The following CAMK2D variants were observed in gnomAD, a reference collection of about 807,000 sequenced individuals.
CAMK2D encodes the protein calcium/calmodulin dependent protein kinase II delta.
A neutral mutation model predicts 84.0 loss-of-function variants in CAMK2D; 37 were observed. The observed-to-expected ratio is 0.44, with a 90% CI of 0.34 to 0.58. The LOEUF is 0.58. Among genes scored for constraint, CAMK2D ranks in the 20% least tolerant of loss-of-function variants. The pLI is 0.02. For synonymous variants in CAMK2D, 202 were observed against 212.5 expected, an observed-to-expected ratio of 0.95 and a Z score of 0.43; for missense variants, 448 against 652.5, an observed-to-expected ratio of 0.69 and a Z score of 3.41.
chr4:113,704,763 T>C (rs886970009), intron 2 of CAMK2D, among the ~76,000 whole-genome samples: 3 of 151,900 alleles, frequency 2.0e-5, no homozygotes, highest in Non-Finnish European at 4.4e-5. Flanking sequence ...ACCTTTTCAC[T>C]AAAAACTAGA....
At chr4:113,572,061 A>G (rs984610091) in intron 4 of CAMK2D, among the ~76,000 whole-genome samples, 3 of 146,296 alleles carry the variant, frequency 2.1e-5, no homozygotes, top group African/African-American at 7.7e-5. Flanking sequence ...TGCAACATGA[A>G]AACAGTTTTC....
intron 16 of CAMK2D, among the ~76,000 whole-genome samples, chr4:113,489,741 A>G (rs1273397988): frequency 2.8e-5 from 4 of 144,356 alleles, no homozygotes; most frequent in Non-Finnish European, 6.0e-5. Flanking sequence ...TGGTTGAACT[A>G]GTTTACAGTC....
intron 4 of CAMK2D, among the ~76,000 whole-genome samples, chr4:113,561,635 T>A (rs2098699214): frequency 6.6e-6 from 1 of 152,232 alleles, no homozygotes; most frequent in Non-Finnish European, 1.5e-5. Context: ...TAAGTCAATC[T>A]AGACATTTTT....
intron 2 of CAMK2D, among the ~76,000 whole-genome samples, chr4:113,735,315 A>G (rs1319313041): frequency 3.1e-5 from 4 of 129,374 alleles, no homozygotes; most frequent in African/African-American, 1.1e-4. Context: ...AAAAAAAAAA[A>G]AAAAAAAAAA....
At position 113,581,018 on chromosome 4, in the gene CAMK2D, C is replaced by T. The variant is rs184107905; in HGVS notation, c.275+28134G>A. On this transcript the variant is annotated intron_variant, in intron 4 of 20. Coordinates refer to ENST00000511664, the MANE Select transcript of CAMK2D (RefSeq NM_001321571.2). ...AGGTGCAGCAAACCACTATGGTACA[C>T]GTCCACCTATGTAACAAACTTGCAC... Among the ~76,000 whole-genome samples, 27 of 152,118 alleles carry T rather than the reference C, an allele frequency of 1.8e-4. No homozygotes were observed. The South Asian group carries it at 2.3e-3, about 13-fold the overall frequency.
chr4:113,753,992 T>G, intron 2 of CAMK2D: 1 of 969,880 alleles, frequency 1.0e-6, no homozygotes, highest in Non-Finnish European at 1.2e-6. Context: ...GTAGATAGCC[T>G]TTATTTTTCC....
chr4:113,649,661 T>C (rs1199053415), intron 3 of CAMK2D, among the ~76,000 whole-genome samples: 1 of 152,250 alleles, frequency 6.6e-6, no homozygotes, highest in Non-Finnish European at 1.5e-5. Context: ...TACATAATTA[T>C]TTGTCCTTTA....
intron 4 of CAMK2D, among the ~76,000 whole-genome samples, chr4:113,560,695 C>A (rs1302964780): frequency 6.6e-6 from 1 of 152,164 alleles, no homozygotes; most frequent in African/African-American, 2.4e-5. Context: ...AACATCCACA[C>A]TGGAACATTA....
At position 113,515,097 on chromosome 4, in the gene CAMK2D, G is replaced by A; in HGVS notation, c.791C>T (p.Ser264Leu). Reference sequence around the variant, plus strand: ...GATCCATGGGTGCTTCAGTGCCTCTGAGGCTGTGATGCGTTTGGCAGGGTT... The same window carrying A: ...GATCCATGGGTGCTTCAGTGCCTCTAAGGCTGTGATGCGTTTGGCAGGGTT... ...TINPAKRITA[S>L]EALKHPWICQ... The change falls in exon 10 of 21, where the codon TCA becomes TTA. Residue 264 changes from serine to leucine, a missense_variant. Physicochemically the swap from Ser to Leu is moderately radical, Grantham distance 145. Transcript: ENST00000511664. 6.2e-7 allele frequency: 1 copy of A among 1,613,708 alleles called. No homozygotes were observed. The highest frequency in any genetic ancestry group is 8.5e-7 in the Non-Finnish European group (1 of 1,179,700).
At chr4:113,658,573 ATT>A (rs980698780) in intron 3 of CAMK2D, among the ~76,000 whole-genome samples, 3 of 151,954 alleles carry the variant, frequency 2.0e-5, no homozygotes, top group African/African-American at 7.3e-5. Context: ...TCTGCTTCCT[ATT>A]TTTCCTCAAC....
intron 2 of CAMK2D, among the ~76,000 whole-genome samples, chr4:113,697,536 G>T (rs756835016): frequency 6.6e-6 from 1 of 151,978 alleles, no homozygotes; most frequent in Admixed American, 6.6e-5. Context: ...ACTTTCAAAC[G>T]CCTGGCCTAC....
intron 2 of CAMK2D, among the ~76,000 whole-genome samples, chr4:113,749,648 G>C (rs2099612720): frequency 6.6e-6 from 1 of 152,036 alleles, no homozygotes; most frequent in East Asian, 1.9e-4. Context: ...CATGAGTCTG[G>C]AATTATTAAA....
intron 15 of CAMK2D, among the ~76,000 whole-genome samples, chr4:113,502,207 A>T (rs1427564016): frequency 6.6e-6 from 1 of 152,118 alleles, no homozygotes; most frequent in Non-Finnish European, 1.5e-5. Flanking sequence ...TCCTATAGAC[A>T]TGTATGCTAG....
At chr4:113,751,064 T>C (rs564506767) in intron 2 of CAMK2D, among the ~76,000 whole-genome samples, 3 of 151,902 alleles carry the variant, frequency 2.0e-5, no homozygotes, top group African/African-American at 4.8e-5. Context: ...AGAGTTCAAA[T>C]TGGGATGGTG....
At chr4:113,625,724 G>GCTTTGGCCCTT (rs1485267362) in intron 3 of CAMK2D, among the ~76,000 whole-genome samples, 3 of 152,112 alleles carry the variant, frequency 2.0e-5, no homozygotes, top group Non-Finnish European at 4.4e-5. Context: ...ATTATTAAAG[G>GCTTTGGCCCTT]CTTTGGCCCT....
intron 5 of CAMK2D, among the ~76,000 whole-genome samples, chr4:113,551,815 G>C (rs909453967): frequency 6.6e-6 from 1 of 151,990 alleles, no homozygotes; most frequent in African/African-American, 2.4e-5. Context: ...GGGTGTTTTG[G>C]TTTGTTTTTC....
At chr4:113,531,188 A>G (rs753355676) in intron 8 of CAMK2D, 28 bp downstream of exon 8, 2 of 1,238,552 alleles carry the variant, frequency 1.6e-6, no homozygotes, top group South Asian at 2.4e-5. Context: ...GCTTATCACA[A>G]AATTTGCTTC....
intron 3 of CAMK2D, among the ~76,000 whole-genome samples, chr4:113,638,240 A>G (rs2099117710): frequency 6.6e-6 from 1 of 152,142 alleles, no homozygotes; most frequent in African/African-American, 2.4e-5. Context: ...AGGAACACAG[A>G]AACAGCTCTG....
At chr4:113,528,945 T>C (rs561174206) in intron 8 of CAMK2D, among the ~76,000 whole-genome samples, 7 of 152,304 alleles carry the variant, frequency 4.6e-5, no homozygotes, top group African/African-American at 1.7e-4. Context: ...AGTTCATGCT[T>C]AGAAGATACT....
Sources: allele counts gnomAD v4.1 joint callset (sites outside exome capture counted in the v4.1 genomes callset), GRCh38; gene constraint gnomAD v4.1.1; transcripts MANE v1.5; gene names NCBI Gene and HGNC (gene_info 2026-07-23, HGNC 2026-07-21).